Variants in PDE1C observed in about 807,000 individuals in gnomAD.
The protein encoded by PDE1C is phosphodiesterase 1C, also known as dual specificity calcium/calmodulin-dependent 3',5'-cyclic nucleotide phosphodiesterase 1C.
A neutral mutation model predicts 93.1 loss-of-function variants in PDE1C; 62 were observed. The observed-to-expected ratio is 0.67, with a 90% CI of 0.54 to 0.82. PDE1C has a LOEUF of 0.82. Ranked by LOEUF, PDE1C falls within the 40% of genes least tolerant of loss-of-function variation. The pLI is 0.00. For missense variants in PDE1C, 742 were observed against 884.6 expected, an observed-to-expected ratio of 0.84 and a Z score of 2.04; for synonymous variants, 325 against 310.1, an observed-to-expected ratio of 1.05 and a Z score of -0.50.
At chr7:31,659,678 T>C in the PDE1C span, among the ~76,000 whole-genome samples, 1 of 152,222 alleles carries the variant, frequency 6.6e-6, no homozygotes, top group Admixed American at 6.5e-5. Context: ...ATAGGGGTGC[T>C]CCTTGAAACT....
chr7:31,928,240 A>T (rs1411214823), intron 2 of PDE1C, among the ~76,000 whole-genome samples: 1 of 152,100 alleles, frequency 6.6e-6, no homozygotes, highest in African/African-American at 2.4e-5. Context: ...AGATTAGAGA[A>T]AAAAGAATGA....
the PDE1C span, among the ~76,000 whole-genome samples, chr7:31,630,243 G>C: frequency 1.9e-4 from 1 of 5,358 alleles, no homozygotes; most frequent in African/African-American, 4.8e-4. Flanking sequence ...AGTCTACTTG[G>C]CAAAAAAAAA....
chr7:32,379,520 A>G (rs1373848963), intron 1 of PDE1C, among the ~76,000 whole-genome samples: 1 of 152,156 alleles, frequency 6.6e-6, no homozygotes, highest in Non-Finnish European at 1.5e-5. Context: ...AAGCAGCCCA[A>G]TTCCACCCCT....
At chr7:32,291,904 G>T (rs143905760) in intron 1 of PDE1C, among the ~76,000 whole-genome samples, 19 of 152,238 alleles carry the variant, frequency 1.2e-4, no homozygotes, top group Non-Finnish European at 1.9e-4. Flanking sequence ...TGACTTACCC[G>T]GGATCAAAGA....
intron 2 of PDE1C, among the ~76,000 whole-genome samples, chr7:32,187,186 G>T (rs1179018450): frequency 2.0e-5 from 3 of 151,218 alleles, no homozygotes; most frequent in East Asian, 3.9e-4. Context: ...CAGAGACAAG[G>T]TCTCACTATG....
chr7:31,650,493 C>T, the PDE1C span, among the ~76,000 whole-genome samples: 4 of 152,134 alleles, frequency 2.6e-5, no homozygotes, highest in Non-Finnish European at 5.9e-5. Context: ...ATGACTACAT[C>T]AGGAGCAATG....
intron 7 of PDE1C, among the ~76,000 whole-genome samples, chr7:31,861,945 C>T (rs574515206): frequency 6.6e-6 from 1 of 152,276 alleles, no homozygotes; most frequent in East Asian, 1.9e-4. Context: ...CTGCTTCTTC[C>T]TCAGCCTCAT....
chr7:31,969,659 T>G (rs1810605503), intron 2 of PDE1C, among the ~76,000 whole-genome samples: 1 of 152,206 alleles, frequency 6.6e-6, no homozygotes, highest in Non-Finnish European at 1.5e-5. Context: ...CCCAAAGGAT[T>G]ATAAATCATG....
At chr7:31,917,449 GC>G (rs1178274465) in intron 2 of PDE1C, among the ~76,000 whole-genome samples, 1 of 152,056 alleles carries the variant, frequency 6.6e-6, no homozygotes, top group Non-Finnish European at 1.5e-5. Context: ...GAGTCTCCAA[GC>G]ATTATGTTTC....
the PDE1C span, among the ~76,000 whole-genome samples, chr7:31,618,647 A>G: frequency 7.1e-6 from 1 of 140,278 alleles, no homozygotes; most frequent in African/African-American, 3.2e-5. Context: ...GTCACAATGT[A>G]GAAACCCATA....
rs553052170 is a variant in PDE1C at position 32,098,032 on chromosome 7, C to T, written c.308+71753G>A. Among the ~76,000 whole-genome samples, 8 of 148,830 alleles carry T rather than the reference C, an allele frequency of 5.4e-5. No individual in the cohort carries two copies. The East Asian group carries it at 1.6e-3, about 29-fold the overall frequency. On this transcript the variant is annotated intron_variant, in intron 3 of 18. Coordinates refer to the PDE1C transcript ENST00000396193. ...GATCACGAGGTCAGGAGATCGAGAC[C>T]ATCCTGGCTAACACGGTGAAACCCC...
intron 3 of PDE1C, among the ~76,000 whole-genome samples, chr7:32,142,886 T>C (rs1478712460): frequency 1.3e-5 from 2 of 151,726 alleles, no homozygotes; most frequent in African/African-American, 4.8e-5. Context: ...ACACAAAATA[T>C]ATATATATAC....
At chr7:32,147,530 C>T (rs942488779) in intron 3 of PDE1C, among the ~76,000 whole-genome samples, 2 of 152,030 alleles carry the variant, frequency 1.3e-5, no homozygotes, top group African/African-American at 4.8e-5. Flanking sequence ...GAGTCTGGTC[C>T]AGGAGGTCTA....
chr7:31,954,179 C>A (rs138774555), intron 2 of PDE1C, among the ~76,000 whole-genome samples: 5 of 152,298 alleles, frequency 3.3e-5, no homozygotes, highest in African/African-American at 4.8e-5. Flanking sequence ...ATTCCCAACC[C>A]CTTTGCATTG....
intron 17 of PDE1C, among the ~76,000 whole-genome samples, chr7:31,759,588 A>T (rs960603040): frequency 1.3e-5 from 2 of 152,230 alleles, no homozygotes; most frequent in Non-Finnish European, 1.5e-5. Flanking sequence ...GATTGTGACA[A>T]AGGCACATAT....
chr7:31,890,722 A>T (rs79877578), intron 2 of PDE1C, among the ~76,000 whole-genome samples: 7,712 of 152,242 alleles, frequency 0.051, 318 homozygotes, highest in African/African-American at 0.11. Context: ...AGAAATAAAT[A>T]AATTAATTCA....
intron 2 of PDE1C, among the ~76,000 whole-genome samples, chr7:31,983,878 T>G (rs976549184): frequency 2.0e-5 from 3 of 152,308 alleles, no homozygotes; most frequent in African/African-American, 7.2e-5. Flanking sequence ...GGGGCTCTTC[T>G]GAGCTCGGGC....
At chr7:32,342,082 T>G (rs1299378606) in intron 1 of PDE1C, among the ~76,000 whole-genome samples, 2 of 152,154 alleles carry the variant, frequency 1.3e-5, no homozygotes, top group African/African-American at 4.8e-5. Context: ...AAATAAATCA[T>G]AGAATAATGT....
intron 7 of PDE1C, among the ~76,000 whole-genome samples, chr7:31,851,811 G>C (rs1412597398): frequency 6.6e-6 from 1 of 152,174 alleles, no homozygotes; most frequent in Non-Finnish European, 1.5e-5. Context: ...GTCACTAAAA[G>C]AACTGCTATC....
Sources: gnomAD v4.1 joint callset for allele counts (sites outside exome capture counted in the v4.1 genomes callset) on GRCh38, gnomAD v4.1.1 for gene constraint, MANE v1.5 for transcripts, NCBI Gene and HGNC (gene_info 2026-07-23, HGNC 2026-07-21) for gene names.